MYO1C: variants seen among roughly 807,000 people sequenced by gnomAD.
MYO1C encodes the protein unconventional myosin-Ic.
In MYO1C, 104 loss-of-function variants were observed where a neutral mutation model predicts 150.8. The ratio of observed to expected loss-of-function variants is 0.69; its 90% CI spans 0.59 to 0.81. MYO1C has a LOEUF of 0.81. Ranked by LOEUF, MYO1C falls within the 30% of genes least tolerant of loss-of-function variation. The pLI is 0.00. For missense variants in MYO1C, 1,504 were observed against 1,435.0 expected (o/e 1.05, Z -0.78); for synonymous variants, 663 against 579.9 (o/e 1.14, Z -2.06).
In MYO1C at chr17:1,478,674, A is replaced by C; in HGVS notation, c.1154T>G (p.Val385Gly). 9 of 1,614,170 alleles carry C rather than the reference A, an allele frequency of 5.6e-6. No homozygotes were observed. The highest frequency in any genetic ancestry group is 6.8e-6 in the Non-Finnish European group (8 of 1,180,026). ...GAGCCAGGTAAAAGTGCGGCTGTAC[A>C]CAGCCTTGGCGAGGGCGTCTCGTGC... Reference protein sequence around the residue: ...AYARDALAKAVYSRTFTWLVG... With the variant: ...AYARDALAKAGYSRTFTWLVG... The change falls in exon 10 of 32, where the codon GTG becomes GGG. Residue 385 changes from valine (V) to glycine (G), a missense_variant. Coordinates refer to ENST00000648651, the MANE Select transcript of MYO1C (RefSeq NM_001080779.2). The surrounding 1 kb of genome is among the most constrained non-coding windows in gnomAD (Gnocchi z 6.3).
chr17:1,476,956 A>T (rs1389839852), intron 14 of MYO1C, among the ~76,000 whole-genome samples: 1 of 150,814 alleles, frequency 6.6e-6, no homozygotes, highest in Non-Finnish European at 1.5e-5. Flanking sequence ...CTCCCGCCTC[A>T]GCCTCCCGAG....
At chr17:1,488,267 G>A (rs1354780643) in intron 1 of MYO1C, among the ~76,000 whole-genome samples, 1 of 152,092 alleles carries the variant, frequency 6.6e-6, no homozygotes, top group East Asian at 1.9e-4. Flanking sequence ...ATGCCCGCTG[G>A]CGCCCCCGCA....
chr17:1,480,527 C>G lies in MYO1C; in HGVS notation c.906G>C (p.Glu302Asp), dbSNP rs1183076825. ...TVIDFTEDEVEDLLSIVASVL... is the reference protein window; with the variant it reads ...TVIDFTEDEVDDLLSIVASVL... Reference sequence around the variant, plus strand: ...GCGAGGGTCCCGGAAGAGGCCTCACCTCCACTTCATCCTCGGTGAAATCAA... The same window carrying G: ...GCGAGGGTCCCGGAAGAGGCCTCACGTCCACTTCATCCTCGGTGAAATCAA... Residue 302 changes from glutamate (E) to aspartate (D), a missense_variant and splice_region_variant, in exon 7 of 32, where the codon GAG becomes GAC. By Grantham distance (45) the Glu-to-Asp change is conservative. Transcript: ENST00000648651. The G allele has an allele frequency of 6.2e-7, 1 of 1,612,714 alleles. No homozygotes were observed. The highest frequency in any genetic ancestry group is 8.5e-7 in the Non-Finnish European group (1 of 1,178,854).
At chr17:1,488,971 G>A (rs987618099) in intron 1 of MYO1C, among the ~76,000 whole-genome samples, 12 of 152,288 alleles carry the variant, frequency 7.9e-5, no homozygotes, top group Middle Eastern at 3.4e-3. Flanking sequence ...TGCGGACAGC[G>A]GAAAGCTCAA....
intron 1 of MYO1C, chr17:1,492,147 C>T: frequency 1.9e-6 from 1 of 514,790 alleles, no homozygotes; most frequent in Non-Finnish European, 3.6e-6. Flanking sequence ...GCCTTTTGTG[C>T]CCAGTATTCA....
Position 1,468,451 on chromosome 17 carries a change from C to A in MYO1C, c.2656G>T (p.Asp886Tyr). ...VASEIFKGKKDNYPQSVPRLF... is the reference protein window; with the variant it reads ...VASEIFKGKKYNYPQSVPRLF... ...CTGGGTACACTCTGAGGGTAATTAT[C>A]CTTCTTGCCCTTGAAGATCTCACTA... Residue 886 changes from aspartate to tyrosine, a missense_variant, in exon 26 of 32, where the codon GAT (aspartate) becomes TAT (tyrosine). Transcript: ENST00000648651. 5.6e-6 allele frequency: 9 copies of A among 1,614,006 alleles called. No homozygotes were observed. Among genetic ancestry groups the A allele is most frequent in the Non-Finnish European group, 7.6e-6 (9 of 1,179,974 alleles).
chr17:1,478,416 T>G lies in MYO1C; in HGVS notation c.1289A>C (p.His430Pro). 1 of 1,614,170 alleles carries G rather than the reference T, an allele frequency of 6.2e-7. No homozygotes were observed. Among genetic ancestry groups the G allele is most frequent in the Non-Finnish European group, 8.5e-7 (1 of 1,180,018 alleles). ...LDIYGFEVFQ[H>P]NSFEQFCINY... ...GGGGAAAGATGGCACCGACCTGTTA[T>G]GCTGAAACACTTCAAAGCCATAAAT... Residue 430 changes from histidine to proline, a missense_variant, in exon 11 of 32, where the codon CAT becomes CCT. Coordinates refer to ENST00000648651, the MANE Select transcript of MYO1C (RefSeq NM_001080779.2). This position sits in a 1 kb window ranked among gnomAD's most constrained non-coding sequence, Gnocchi z 6.3.
intron 7 of MYO1C, among the ~76,000 whole-genome samples, chr17:1,480,002 C>T (rs1000927948): frequency 2.0e-5 from 3 of 151,682 alleles, no homozygotes; most frequent in Admixed American, 2.0e-4. Context: ...AAAAATTAGC[C>T]AGGTGTGGTG....
chr17:1,474,597 G>A lies in MYO1C; in HGVS notation c.1797+13C>T, dbSNP rs778744897. 2.7e-5 allele frequency: 43 copies of A among 1,613,154 alleles called. No homozygotes were observed. The highest frequency in any genetic ancestry group is 3.3e-5 in the South Asian group (3 of 91,072). On this transcript the variant is annotated intron_variant, in intron 17 of 31. Transcript: ENST00000648651. ...CGCATGCACCCCTGCGCCCGGTCCC[G>A]CCACCTCCTCACCGTCTCTGGCCGC... is the stretch of plus-strand genomic sequence containing the variant.
intron 1 of MYO1C, chr17:1,485,319 G>A: frequency 2.1e-6 from 2 of 967,340 alleles, no homozygotes; most frequent in South Asian, 2.9e-5. Flanking sequence ...TCCCAAAGGG[G>A]CCGCCGGTGT....
At chr17:1,473,757 T>C (rs1245494202) in intron 17 of MYO1C, among the ~76,000 whole-genome samples, 2 of 152,124 alleles carry the variant, frequency 1.3e-5, no homozygotes, top group Non-Finnish European at 2.9e-5. Context: ...TTTTAGACTC[T>C]CTGTGTCTGG....
rs145054560 is a variant in MYO1C at position 1,479,102 on chromosome 17, C to T, written c.1092+329G>A. ...CTCCACCTCCCGGGTTCAAGCGATT[C>T]TCCTGCCTCAGCCTCCCGAGTAGCT... On this transcript the variant is annotated intron_variant, in intron 9 of 31. Coordinates refer to ENST00000648651, the MANE Select transcript of MYO1C (RefSeq NM_001080779.2). The surrounding 1 kb of genome is among the most constrained non-coding windows in gnomAD (Gnocchi z 4.2). Among the ~76,000 whole-genome samples, 1,702 of 152,258 alleles carry T rather than the reference C, an allele frequency of 0.011. 38 individuals are homozygous for T. Among genetic ancestry groups the T allele is most frequent in the African/African-American group, 0.039 (1,608 of 41,534 alleles).
intron 14 of MYO1C, 63 bp downstream of exon 14, chr17:1,477,442 T>C: frequency 6.8e-7 from 1 of 1,460,424 alleles, no homozygotes; most frequent in South Asian, 1.1e-5. Context: ...GAGGGACTCC[T>C]GCACTCCGCA....
In MYO1C at chr17:1,479,707, TG is replaced by T. The variant is rs1354664556; in HGVS notation, c.907-3del. ...GCTGGCCACGATGCTCAGCAGGTCC[TG>T]GGGGAGCAGGCCGGGGGCAGGAGGG... On this transcript the variant is annotated splice_polypyrimidine_tract_variant and splice_region_variant and intron_variant, in intron 7 of 31. Coordinates refer to ENST00000648651, the MANE Select transcript of MYO1C (RefSeq NM_001080779.2). This position sits in a 1 kb window ranked among gnomAD's most constrained non-coding sequence, Gnocchi z 4.2. 2 of 1,606,920 alleles carry T rather than the reference TG, an allele frequency of 1.2e-6. No homozygotes were observed. The highest frequency in any genetic ancestry group is 1.7e-6 in the Non-Finnish European group (2 of 1,177,126).
rs1242110625 is a variant in MYO1C, at chr17:1,478,361, G to A, written c.1295+49C>T. 6.2e-7 allele frequency: 1 copy of A among 1,606,750 alleles called. No homozygotes were observed. Among genetic ancestry groups the A allele is most frequent in the East Asian group, 2.2e-5 (1 of 44,854 alleles). On this transcript the variant is annotated intron_variant, in intron 11 of 31. Transcript: ENST00000648651. This position sits in a 1 kb window ranked among gnomAD's most constrained non-coding sequence, Gnocchi z 6.3. ...GAGAGGCTGGAGGACAGAAGAGAGG[G>A]AGCAGGACAGGAGACCGGGAGGAGA...
chr17:1,477,863 C>T, intron 13 of MYO1C, 28 bp downstream of exon 13: 2 of 1,599,584 alleles, frequency 1.3e-6, no homozygotes, highest in Non-Finnish European at 8.6e-7. Flanking sequence ...GCCTCCAGCA[C>T]CAGGCCTTGG....
At position 1,465,639 on chromosome 17, in the gene MYO1C, C is replaced by G; in HGVS notation, c.*87G>C. The G allele has an allele frequency of 1.6e-6, 2 of 1,271,196 alleles. No individual in the cohort carries two copies. The highest frequency in any genetic ancestry group is 2.0e-6 in the Non-Finnish European group (2 of 977,324). 78.7% of individuals were successfully genotyped at this position (1,271,196 alleles called of 1,614,324 possible). On this transcript the variant is annotated 3_prime_UTR_variant, in exon 32 of 32. Transcript: ENST00000648651. ...CTTCGGGGTGTCCCTGGGTCCCTGT[C>G]TGGAAGTTCGAGTCTTTGGTAACTG...
intron 1 of MYO1C, among the ~76,000 whole-genome samples, chr17:1,490,448 A>G (rs182534483): frequency 5.9e-5 from 9 of 152,246 alleles, no homozygotes; most frequent in African/African-American, 1.9e-4. Flanking sequence ...CAGTGAGCAG[A>G]GGTCGCACCA....
intron 1 of MYO1C, chr17:1,485,572 G>A (rs1351517438): frequency 2.1e-5 from 16 of 767,262 alleles, no homozygotes; most frequent in Non-Finnish European, 2.7e-5. Context: ...GCAACTTCCC[G>A]GGACGTTTTT....
Sources: gnomAD v4.1 joint callset for allele counts (sites outside exome capture counted in the v4.1 genomes callset) on GRCh38, gnomAD v4.1.1 for gene constraint, Gnocchi (gnomAD v3.1) non-coding constraint, MANE v1.5 for transcripts, NCBI Gene and HGNC (gene_info 2026-07-23, HGNC 2026-07-21) for gene names.